SLC24A3: variants seen among roughly 807,000 people sequenced by gnomAD.
SLC24A3 encodes the protein solute carrier family 24 member 3.
Under a neutral mutation model 75.8 loss-of-function variants are expected in SLC24A3, and 28 were observed. The ratio of observed to expected loss-of-function variants is 0.37; its 90% CI spans 0.27 to 0.51. The LOEUF is 0.51. Ranked by LOEUF, SLC24A3 falls within the 20% of genes least tolerant of loss-of-function variation. The pLI, the probability that SLC24A3 is intolerant of heterozygous loss-of-function variation, is 0.94. For missense variants in SLC24A3, 663 were observed against 847.8 expected, an observed-to-expected ratio of 0.78 and a Z score of 2.71; for synonymous variants, 372 against 334.1, an observed-to-expected ratio of 1.11 and a Z score of -1.24.
In SLC24A3 at chr20:19,592,681, T is replaced by C. The variant is rs371580757; in HGVS notation, c.612+7137T>C. Among the ~76,000 whole-genome samples the C allele has an allele frequency of 6.6e-5, 10 of 152,292 alleles. 2 individuals are homozygous for C. The stretch of plus-strand genomic sequence containing the variant: ...CACATGCTCCTTCAAAGTGAGTAAT[T>C]TTCATGTTTCTCTTGAAACTCACTT... On this transcript the variant is annotated intron_variant, in intron 6 of 16. Coordinates refer to ENST00000328041, the MANE Select transcript of SLC24A3 (RefSeq NM_020689.4).
At chr20:19,519,530 C>T (rs557808064) in intron 3 of SLC24A3, among the ~76,000 whole-genome samples, 1 of 152,192 alleles carries the variant, frequency 6.6e-6, no homozygotes, top group South Asian at 2.1e-4. Flanking sequence ...GGCTGTTTGT[C>T]ATGTATGGTT....
chr20:19,377,531 G>A (rs1986105476), intron 2 of SLC24A3, among the ~76,000 whole-genome samples: 1 of 152,196 alleles, frequency 6.6e-6, no homozygotes, highest in African/African-American at 2.4e-5. Context: ...GTCTGTGGCT[G>A]CATCAGGGAA....
intron 1 of SLC24A3, among the ~76,000 whole-genome samples, chr20:19,249,713 A>T (rs1982594931): frequency 6.6e-6 from 1 of 151,976 alleles, no homozygotes; most frequent in African/African-American, 2.4e-5. Flanking sequence ...ATGCACAGTG[A>T]CCCCTGGTGA....
chr20:19,617,370 C>T (rs1466364333), intron 6 of SLC24A3, among the ~76,000 whole-genome samples: 1 of 152,148 alleles, frequency 6.6e-6, no homozygotes, highest in East Asian at 1.9e-4. Flanking sequence ...AGGTGTTGGG[C>T]AAGAAGCTCC....
At chr20:19,541,911 C>A (rs2030505186) in intron 3 of SLC24A3, among the ~76,000 whole-genome samples, 1 of 152,208 alleles carries the variant, frequency 6.6e-6, no homozygotes, top group African/African-American at 2.4e-5. Context: ...GTGTGCACTA[C>A]CAGCCAGCCT....
chr20:19,411,904 G>A (rs1313128543), intron 2 of SLC24A3, among the ~76,000 whole-genome samples: 1 of 152,092 alleles, frequency 6.6e-6, no homozygotes, highest in Non-Finnish European at 1.5e-5. Context: ...TTCATCTCAG[G>A]ACTGTCGGCA....
intron 7 of SLC24A3, among the ~76,000 whole-genome samples, chr20:19,664,417 A>G (rs972951021): frequency 2.6e-5 from 4 of 152,250 alleles, no homozygotes; most frequent in African/African-American, 9.6e-5. Context: ...GATGAAAGTA[A>G]CAAAAATGAT....
intron 12 of SLC24A3, 31 bp from the exon 13 acceptor site, chr20:19,693,228 T>C: frequency 6.3e-7 from 1 of 1,586,658 alleles, no homozygotes. Flanking sequence ...ATTTTTTTTT[T>C]ATTTCTTTTT....
In SLC24A3 at chr20:19,368,232, G is replaced by A. The variant is rs139702977; in HGVS notation, c.271+87145G>A. Among the ~76,000 whole-genome samples the A allele has an allele frequency of 2.2e-3, 336 of 152,204 alleles. 3 individuals carry two copies. Among genetic ancestry groups the A allele is most frequent in the African/African-American group, 6.3e-3 (262 of 41,526 alleles). Reference sequence around the variant, plus strand: ...ACATCATGGCTGGATGGCTGGTGTCGCTACTGAAGACAGGACAGTAATTGG... The same window carrying A: ...ACATCATGGCTGGATGGCTGGTGTCACTACTGAAGACAGGACAGTAATTGG... On this transcript the variant is annotated intron_variant, in intron 2 of 16. Coordinates refer to ENST00000328041, the MANE Select transcript of SLC24A3 (RefSeq NM_020689.4).
In SLC24A3 at chr20:19,388,601, C is replaced by T. The variant is rs183800699; in HGVS notation, c.271+107514C>T. Among the ~76,000 whole-genome samples the T allele has an allele frequency of 1.8e-3, 280 of 152,244 alleles. 1 individual carries two copies. Among genetic ancestry groups the T allele is most frequent in the African/African-American group, 6.3e-3 (262 of 41,558 alleles). ...TGGTGGGTGCCTGTAGTCCCAGCTA[C>T]TCGGGAAGCTGAGGGCAGGAGAATG... is the stretch of plus-strand genomic sequence containing the variant. On this transcript the variant is annotated intron_variant, in intron 2 of 16. Transcript: ENST00000328041.
chr20:19,625,363 T>C (rs533049899), intron 6 of SLC24A3, among the ~76,000 whole-genome samples: 1 of 152,328 alleles, frequency 6.6e-6, no homozygotes, highest in Non-Finnish European at 1.5e-5. Context: ...GAGTGACACA[T>C]ATTAAGTGCA....
At chr20:19,632,161 A>G (rs1354192242) in intron 6 of SLC24A3, among the ~76,000 whole-genome samples, 1 of 152,178 alleles carries the variant, frequency 6.6e-6, no homozygotes, top group South Asian at 2.1e-4. Context: ...CTAACTGTGC[A>G]TGGAGTAGCT....
intron 15 of SLC24A3, among the ~76,000 whole-genome samples, chr20:19,709,962 T>C (rs1026760663): frequency 4.6e-5 from 7 of 152,192 alleles, no homozygotes; most frequent in Non-Finnish European, 1.0e-4. Context: ...AAATTGCTTC[T>C]TTTCTGTGGG....
intron 8 of SLC24A3, among the ~76,000 whole-genome samples, chr20:19,671,999 TGAAGCGGG>T (rs2032473993): frequency 6.6e-6 from 1 of 152,094 alleles, no homozygotes; most frequent in Non-Finnish European, 1.5e-5. Flanking sequence ...GAGGGTTTTA[TGAAGCGGG>T]GCAGATGATC....
In SLC24A3 at chr20:19,673,583, T is replaced by C. The variant is rs762534104; in HGVS notation, c.714-18T>C. On this transcript the variant is annotated intron_variant, in intron 8 of 16. Transcript: ENST00000328041. ...AGATGTCCATGACTGTCTTTAACTG[T>C]TCTTGGTTTACACACAGGTGGGAGT... 8 of 1,612,292 alleles carry C rather than the reference T, an allele frequency of 5.0e-6. No homozygotes were observed. The highest frequency in any genetic ancestry group is 1.3e-5 in the African/African-American group (1 of 74,902).
chr20:19,265,148 T>C (rs1983126643), intron 1 of SLC24A3, among the ~76,000 whole-genome samples: 2 of 152,218 alleles, frequency 1.3e-5, no homozygotes. Flanking sequence ...CTTTTGTTTG[T>C]GTGACTGAGC....
chr20:19,388,972 G>A (rs185164418), intron 2 of SLC24A3, among the ~76,000 whole-genome samples: 1 of 151,918 alleles, frequency 6.6e-6, no homozygotes, highest in Admixed American at 6.6e-5. Flanking sequence ...TTTTTGTAGT[G>A]ATGCGCTTTG....
intron 2 of SLC24A3, among the ~76,000 whole-genome samples, chr20:19,505,031 C>A (rs1419986805): frequency 6.6e-6 from 1 of 152,204 alleles, no homozygotes; most frequent in Non-Finnish European, 1.5e-5. Context: ...AAATATGTTT[C>A]TAGTTTGTCA....
intron 2 of SLC24A3, among the ~76,000 whole-genome samples, chr20:19,485,365 A>T (rs898647422): frequency 1.3e-5 from 2 of 152,194 alleles, no homozygotes; most frequent in African/African-American, 4.8e-5. Context: ...TTTCCAAGAT[A>T]TGTTAAGTGA....
Sources: gnomAD v4.1 joint callset for allele counts (sites outside exome capture counted in the v4.1 genomes callset) on GRCh38, gnomAD v4.1.1 for gene constraint, MANE v1.5 for transcripts, NCBI Gene and HGNC (gene_info 2026-07-23, HGNC 2026-07-21) for gene names.